The following AGBL4 variants were observed in gnomAD, a reference collection of about 807,000 sequenced individuals.
AGBL4 encodes the protein cytosolic carboxypeptidase 6.
In AGBL4, 58 loss-of-function variants were observed where a neutral mutation model predicts 66.4. The ratio of observed to expected loss-of-function variants is 0.87; its 90% CI spans 0.71 to 1.09. The LOEUF (loss-of-function observed/expected upper bound fraction) is 1.09. AGBL4 is among the 50% of genes least tolerant of loss of function. The pLI is 0.00. For missense variants in AGBL4, 579 were observed against 631.0 expected (o/e 0.92, Z 0.88); for synonymous variants, 234 against 222.9 (o/e 1.05, Z -0.44).
intron 4 of AGBL4, among the ~76,000 whole-genome samples, chr1:49,109,964 C>T (rs184501226): frequency 2.0e-5 from 3 of 152,120 alleles, no homozygotes; most frequent in Non-Finnish European, 4.4e-5. Flanking sequence ...TTTCAGCTCC[C>T]GTCACCTCAT....
At chr1:49,631,305 G>A (rs935347456) in intron 3 of AGBL4, among the ~76,000 whole-genome samples, 1 of 152,142 alleles carries the variant, frequency 6.6e-6, no homozygotes, top group Non-Finnish European at 1.5e-5. Context: ...TCTACTGCAG[G>A]AGAATGGACC....
chr1:49,327,803 T>C (rs926536109), intron 3 of AGBL4, among the ~76,000 whole-genome samples: 2 of 152,204 alleles, frequency 1.3e-5, no homozygotes, highest in Admixed American at 1.3e-4. Context: ...ATTCAAACCA[T>C]AGCAAGTCAT....
intron 3 of AGBL4, among the ~76,000 whole-genome samples, chr1:49,647,821 G>C (rs1179393613): frequency 6.8e-6 from 1 of 146,362 alleles, no homozygotes; most frequent in Non-Finnish European, 1.5e-5. Context: ...AGAAGCCTAT[G>C]AGAAGTTCAC....
chr1:48,548,503 TTCTGTC>T (rs1200949325), intron 11 of AGBL4, among the ~76,000 whole-genome samples: 1 of 152,200 alleles, frequency 6.6e-6, no homozygotes, highest in Admixed American at 6.5e-5. Context: ...AATGGCTGTT[TTCTGTC>T]TCCAGGTCCA....
chr1:49,650,867 T>C (rs888833355), intron 3 of AGBL4, among the ~76,000 whole-genome samples: 2 of 152,172 alleles, frequency 1.3e-5, no homozygotes, highest in African/African-American at 2.4e-5. Context: ...ATTGTGGATG[T>C]AGCAGAGGCT....
chr1:48,544,346 G>T (rs1644125232), intron 11 of AGBL4, among the ~76,000 whole-genome samples: 1 of 152,208 alleles, frequency 6.6e-6, no homozygotes, highest in African/African-American at 2.4e-5. Flanking sequence ...GAAAGCAGAG[G>T]TTCCTGTGGA....
At chr1:49,264,890 T>C (rs1653574294) in intron 3 of AGBL4, among the ~76,000 whole-genome samples, 1 of 152,188 alleles carries the variant, frequency 6.6e-6, no homozygotes, top group African/African-American at 2.4e-5. Flanking sequence ...TTTTTCAATT[T>C]ATATTATGGC....
intron 3 of AGBL4, among the ~76,000 whole-genome samples, chr1:49,648,755 C>T (rs891430708): frequency 2.0e-5 from 3 of 150,290 alleles, no homozygotes; most frequent in South Asian, 4.2e-4. Context: ...TTTTACTCTA[C>T]GAAATTATCC....
chr1:48,541,505 C>T (rs1644068493), intron 11 of AGBL4, among the ~76,000 whole-genome samples: 1 of 152,232 alleles, frequency 6.6e-6, no homozygotes, highest in Non-Finnish European at 1.5e-5. Context: ...GGTGCAGTGG[C>T]TCACGCCTGT....
intron 1 of AGBL4, among the ~76,000 whole-genome samples, chr1:49,933,016 G>A (rs1009470900): frequency 2.0e-5 from 3 of 152,064 alleles, no homozygotes; most frequent in African/African-American, 2.4e-5. Context: ...GAAGAATAGG[G>A]TTCAAATACT....
intron 8 of AGBL4, among the ~76,000 whole-genome samples, chr1:48,646,812 C>A (rs1228261701): frequency 1.3e-5 from 2 of 152,066 alleles, no homozygotes; most frequent in Non-Finnish European, 2.9e-5. Context: ...TCAACCTCCC[C>A]CTCTACTTAA....
intron 11 of AGBL4, among the ~76,000 whole-genome samples, chr1:48,563,025 G>C (rs1644419532): frequency 6.6e-6 from 1 of 152,174 alleles, no homozygotes; most frequent in Non-Finnish European, 1.5e-5. Context: ...ATACTCCACA[G>C]CCAGTTCCAC....
intron 3 of AGBL4, among the ~76,000 whole-genome samples, chr1:49,626,694 G>C (rs1327869373): frequency 6.6e-6 from 1 of 151,732 alleles, no homozygotes; most frequent in Non-Finnish European, 1.5e-5. Context: ...ATTTCTCACA[G>C]GTTGGCCAAT....
intron 3 of AGBL4, among the ~76,000 whole-genome samples, chr1:49,558,128 C>T (rs1319715105): frequency 2.6e-5 from 4 of 151,970 alleles, no homozygotes. Context: ...AGCAGTGATA[C>T]TCACATACTA....
At chr1:49,523,267 C>T (rs887606473) in intron 3 of AGBL4, among the ~76,000 whole-genome samples, 13 of 151,958 alleles carry the variant, frequency 8.6e-5, no homozygotes, top group Non-Finnish European at 1.8e-4. Flanking sequence ...GCATAAATAC[C>T]AAGCAAAATA....
At chr1:49,894,415 G>C (rs1209647472) in intron 1 of AGBL4, among the ~76,000 whole-genome samples, 1 of 152,128 alleles carries the variant, frequency 6.6e-6, no homozygotes, top group Non-Finnish European at 1.5e-5. Context: ...ACAGAGATAT[G>C]TGACCTTTCA....
At chr1:49,347,257 T>C (rs1034719374) in intron 3 of AGBL4, among the ~76,000 whole-genome samples, 5 of 148,386 alleles carry the variant, frequency 3.4e-5, no homozygotes, top group Admixed American at 6.7e-5. Flanking sequence ...TCTTTCTTTT[T>C]TTTTTTTTTT....
chr1:49,235,997 G>GATTT (rs3052026), intron 4 of AGBL4, among the ~76,000 whole-genome samples: 43,275 of 148,318 alleles, frequency 0.29, 7,485 homozygotes, highest in East Asian at 0.49. Context: ...CATTTTGAAG[G>GATTT]ATTTATTTAT....
intron 4 of AGBL4, among the ~76,000 whole-genome samples, chr1:49,186,902 T>C (rs1253920519): frequency 6.6e-6 from 1 of 152,064 alleles, no homozygotes; most frequent in African/African-American, 2.4e-5. Flanking sequence ...AGAGACAAAT[T>C]GCTAGAAATG....
Sources: gnomAD v4.1 joint callset for allele counts (sites outside exome capture counted in the v4.1 genomes callset) on GRCh38, gnomAD v4.1.1 for gene constraint, MANE v1.5 for transcripts, NCBI Gene and HGNC (gene_info 2026-07-23, HGNC 2026-07-21) for gene names.